The following GRHL2 variants were observed in gnomAD, a reference collection of about 807,000 sequenced individuals.
The protein encoded by GRHL2 is grainyhead like transcription factor 2, also known as grainyhead-like protein 2 homolog.
A neutral mutation model predicts 83.8 loss-of-function variants in GRHL2; 21 were observed. The observed-to-expected ratio is 0.25, with a 90% CI of 0.18 to 0.36. The LOEUF is 0.36. Ranked by LOEUF, GRHL2 falls within the 10% of genes least tolerant of loss-of-function variation. The pLI, the probability that GRHL2 is intolerant of heterozygous loss-of-function variation, is 1.00. For missense variants in GRHL2, 623 were observed against 781.8 expected, an observed-to-expected ratio of 0.80 and a Z score of 2.42; for synonymous variants, 280 against 278.9, an observed-to-expected ratio of 1.00 and a Z score of -0.04.
rs143190597 is a variant in GRHL2 at position 101,564,449 on chromosome 8, C to T, written c.678+5637C>T. Among the ~76,000 whole-genome samples the T allele has an allele frequency of 2.6e-5, 4 of 152,178 alleles. No homozygotes were observed. In the East Asian group the frequency reaches 5.8e-4, roughly 22 times the overall value. ...CACGTGCATGTGTGCACAGTGGTAG[C>T]AGGGAAGGGAGTAGTTTGCTTTAAC... On this transcript the variant is annotated intron_variant, in intron 4 of 15. Transcript: ENST00000646743.
chr8:101,635,614 G>A (rs535588572), intron 11 of GRHL2, among the ~76,000 whole-genome samples: 16 of 152,312 alleles, frequency 1.1e-4, no homozygotes, highest in African/African-American at 3.6e-4. Flanking sequence ...TCACTTAGGT[G>A]GGTTACTCTA....
intron 7 of GRHL2, among the ~76,000 whole-genome samples, chr8:101,590,094 C>A (rs879245919): frequency 6.6e-6 from 1 of 151,988 alleles, no homozygotes; most frequent in Non-Finnish European, 1.5e-5. Flanking sequence ...ACAGGGCTCT[C>A]AAAAAATGGT....
rs190602879 is a variant in GRHL2 at position 101,647,240 on chromosome 8, C to T, written c.1613-2174C>T. 3.0e-4 allele frequency among the ~76,000 whole-genome samples: 45 copies of T among 152,288 alleles called. 1 individual carries two copies. In the East Asian group the frequency reaches 8.3e-3, roughly 28 times the overall value. ...CTTAGTCGGGTGTGATGGCACATGC[C>T]TGTAATCTCAGCCACTCAGGAGGCT... On this transcript the variant is annotated intron_variant, in intron 13 of 15. Transcript: ENST00000646743.
At chr8:101,556,834 C>T (rs1390972693) in intron 3 of GRHL2, among the ~76,000 whole-genome samples, 1 of 150,712 alleles carries the variant, frequency 6.6e-6, no homozygotes, top group Non-Finnish European at 1.5e-5. Flanking sequence ...CCTAGTCCTT[C>T]AAATTACCAT....
At chr8:101,647,257 C>A (rs149903386) in intron 13 of GRHL2, among the ~76,000 whole-genome samples, 370 of 152,250 alleles carry the variant, frequency 2.4e-3, no homozygotes, top group African/African-American at 8.1e-3. Context: ...CTCAGCCACT[C>A]AGGAGGCTGA....
intron 9 of GRHL2, among the ~76,000 whole-genome samples, chr8:101,629,032 C>T (rs1204602362): frequency 3.3e-5 from 5 of 152,186 alleles, no homozygotes; most frequent in Admixed American, 1.3e-4. Context: ...GTTGATAAAA[C>T]AGCAGCAGTG....
chr8:101,647,823 G>A (rs186369188), intron 13 of GRHL2, among the ~76,000 whole-genome samples: 1 of 151,530 alleles, frequency 6.6e-6, no homozygotes. Flanking sequence ...ACATGCACCC[G>A]TGTAGACTTG....
intron 2 of GRHL2, among the ~76,000 whole-genome samples, chr8:101,549,594 C>A (rs1164158845): frequency 2.0e-5 from 3 of 152,106 alleles, no homozygotes; most frequent in Admixed American, 1.3e-4. Flanking sequence ...GCTTGACAGT[C>A]CAGAAAAATG....
intron 14 of GRHL2, among the ~76,000 whole-genome samples, chr8:101,657,392 C>G (rs1033156817): frequency 2.0e-5 from 3 of 152,142 alleles, no homozygotes; most frequent in African/African-American, 7.2e-5. Context: ...TATAGATCAT[C>G]AGACAACCAA....
At chr8:101,551,681 A>T in intron 2 of GRHL2, among the ~76,000 whole-genome samples, 1 of 150,760 alleles carries the variant, frequency 6.6e-6, no homozygotes, top group Non-Finnish European at 1.5e-5. Context: ...AACCAACCCA[A>T]TTGAAGCCTA....
chr8:101,518,699 C>A (rs142431977), intron 1 of GRHL2, among the ~76,000 whole-genome samples: 64 of 152,304 alleles, frequency 4.2e-4, no homozygotes, highest in African/African-American at 1.5e-3. Flanking sequence ...GTTAGCTCTG[C>A]AAGTATGAGA....
chr8:101,496,574 G>A (rs537470936), intron 1 of GRHL2, among the ~76,000 whole-genome samples: 2 of 152,188 alleles, frequency 1.3e-5, no homozygotes, highest in East Asian at 1.9e-4. Context: ...GTGTGTGTTG[G>A]GGGTGGGGGA....
intron 13 of GRHL2, among the ~76,000 whole-genome samples, chr8:101,647,117 G>C (rs1051067191): frequency 1.3e-5 from 2 of 152,242 alleles, no homozygotes; most frequent in African/African-American, 4.8e-5. Flanking sequence ...AGGCGTGGTG[G>C]CTCATGCCTA....
At chr8:101,609,629 C>T (rs1410704089) in intron 8 of GRHL2, among the ~76,000 whole-genome samples, 1 of 150,900 alleles carries the variant, frequency 6.6e-6, no homozygotes, top group Non-Finnish European at 1.5e-5. Flanking sequence ...AATTGTCATT[C>T]CATATTTCAT....
intron 14 of GRHL2, 73 bp from the exon 15 acceptor site, chr8:101,664,381 C>A: frequency 9.2e-7 from 1 of 1,089,476 alleles, no homozygotes; most frequent in Non-Finnish European, 1.4e-6. Context: ...GGGAGTGAAA[C>A]TGGAACTTTC....
At chr8:101,609,045 T>C (rs1812694430) in intron 8 of GRHL2, among the ~76,000 whole-genome samples, 1 of 150,238 alleles carries the variant, frequency 6.7e-6, no homozygotes, top group Admixed American at 6.6e-5. Context: ...AAAGAGGGGA[T>C]GATTGAAGTC....
intron 8 of GRHL2, among the ~76,000 whole-genome samples, chr8:101,609,850 C>T (rs552798628): frequency 6.6e-6 from 1 of 151,016 alleles, no homozygotes; most frequent in African/African-American, 2.5e-5. Flanking sequence ...CACAGTTTAC[C>T]CTTCTGTGCC....
rs866125163 is a variant in GRHL2, at chr8:101,553,621, T to C, written c.284+839T>C. Among the ~76,000 whole-genome samples the C allele has an allele frequency of 3.5e-5, 5 of 142,876 alleles. No homozygotes were observed. In the South Asian group the frequency reaches 8.9e-4, roughly 25 times the overall value. The allele number at this position is 142,876 out of a possible 152,430, so 93.7% of individuals were successfully genotyped here. On this transcript the variant is annotated intron_variant, in intron 3 of 15. Coordinates refer to ENST00000646743, the MANE Select transcript of GRHL2 (RefSeq NM_024915.4). Reference sequence around the variant, plus strand: ...AGCTACTTCTTTCAAACTCATCCACTTCTTTTTTTTTTTTTTTTTTTTTTT... The same window carrying C: ...AGCTACTTCTTTCAAACTCATCCACCTCTTTTTTTTTTTTTTTTTTTTTTT...
intron 4 of GRHL2, chr8:101,562,576 C>A: frequency 5.0e-6 from 1 of 198,156 alleles, no homozygotes; most frequent in Non-Finnish European, 1.0e-5. Flanking sequence ...AGGATTGAGA[C>A]CCTTTTCTCC....
Sources: gnomAD v4.1 joint callset for allele counts (sites outside exome capture counted in the v4.1 genomes callset) on GRCh38, gnomAD v4.1.1 for gene constraint, MANE v1.5 for transcripts, NCBI Gene and HGNC (gene_info 2026-07-23, HGNC 2026-07-21) for gene names.